ADAMTSL1: variants seen among roughly 807,000 people sequenced by gnomAD.
ADAMTSL1 encodes ADAMTS like 1.
Under a neutral mutation model 201.8 loss-of-function variants are expected in ADAMTSL1, and 126 were observed. The ratio of observed to expected loss-of-function variants is 0.62; its 90% CI spans 0.54 to 0.72. The LOEUF (loss-of-function observed/expected upper bound fraction) is 0.72. Among genes scored for constraint, ADAMTSL1 ranks in the 30% least tolerant of loss-of-function variants. The pLI is 0.00. For synonymous variants in ADAMTSL1, 1,121 were observed against 903.4 expected (o/e 1.24, Z -4.32); for missense variants, 2,679 against 2,277.8 (o/e 1.18, Z -3.59).
intron 7 of ADAMTSL1, among the ~76,000 whole-genome samples, chr9:18,657,319 A>G (rs1828751323): frequency 6.6e-6 from 1 of 152,218 alleles, no homozygotes; most frequent in Admixed American, 6.5e-5. Flanking sequence ...TATCTATTAT[A>G]CCAAAGAGGT....
rs550233749 is a variant in ADAMTSL1 at position 18,308,144 on chromosome 9, A to G, written c.207+144163A>G. ...GAAATACATAAGTTATTTGAAACTGATGAGAACAAAGACACAATGCACCAG... is the reference window on the plus strand; with the variant it reads ...GAAATACATAAGTTATTTGAAACTGGTGAGAACAAAGACACAATGCACCAG... On this transcript the variant is annotated intron_variant, in intron 2 of 29. Coordinates refer to the ADAMTSL1 transcript ENST00000680146. Among the ~76,000 whole-genome samples the G allele has an allele frequency of 8.0e-4, 122 of 152,270 alleles. 3 individuals carry two copies. In the Middle Eastern group the frequency reaches 0.01, roughly 13 times the overall value.
At chr9:18,266,639 A>G (rs1187196074) in intron 2 of ADAMTSL1, among the ~76,000 whole-genome samples, 1 of 152,088 alleles carries the variant, frequency 6.6e-6, no homozygotes, top group Non-Finnish European at 1.5e-5. Context: ...AAGTGTTTCT[A>G]AAGAGTCACC....
chr9:18,130,031 G>A (rs570124980), intron 1 of ADAMTSL1, among the ~76,000 whole-genome samples: 112 of 152,316 alleles, frequency 7.4e-4, no homozygotes, highest in African/African-American at 2.6e-3. Flanking sequence ...CTGAGCTCAA[G>A]TTGCAGGCAC....
chr9:18,855,713 G>A (rs978772278), intron 23 of ADAMTSL1, among the ~76,000 whole-genome samples: 6 of 152,096 alleles, frequency 3.9e-5, no homozygotes, highest in Non-Finnish European at 5.9e-5. Flanking sequence ...GGAATTCTTC[G>A]TTTCTCTGTT....
chr9:18,589,092 G>A (rs1341112262), intron 4 of ADAMTSL1, among the ~76,000 whole-genome samples: 1 of 151,656 alleles, frequency 6.6e-6, no homozygotes, highest in African/African-American at 2.4e-5. Flanking sequence ...GGCCAGGCTG[G>A]CCTCGAACTC....
chr9:18,431,705 C>T (rs1819498967), intron 2 of ADAMTSL1, among the ~76,000 whole-genome samples: 1 of 152,066 alleles, frequency 6.6e-6, no homozygotes, highest in South Asian at 2.1e-4. Flanking sequence ...GCCCCAAAGT[C>T]TTCTGTGTCT....
intron 1 of ADAMTSL1, among the ~76,000 whole-genome samples, chr9:18,015,217 T>C (rs535011029): frequency 1.3e-5 from 2 of 152,162 alleles, no homozygotes; most frequent in Non-Finnish European, 2.9e-5. Context: ...GTGTCTAGGC[T>C]CATGCTTGCT....
intron 2 of ADAMTSL1, among the ~76,000 whole-genome samples, chr9:18,310,369 CAAAAAAAAAAAAAA>C (rs570081965): frequency 2.8e-4 from 10 of 35,276 alleles, no homozygotes; most frequent in South Asian, 1.8e-3. Flanking sequence ...TTCTGCATAG[CAAAAAAAAAAAAAA>C]AAAAAAAAAA....
intron 1 of ADAMTSL1, among the ~76,000 whole-genome samples, chr9:17,965,883 A>T (rs781521805): frequency 5.1e-4 from 78 of 152,292 alleles, no homozygotes; most frequent in Non-Finnish European, 6.9e-4. Context: ...AAGTAAAGCC[A>T]GGCAGCTTTT....
intron 13 of ADAMTSL1, among the ~76,000 whole-genome samples, chr9:18,700,415 AG>A (rs1244614087): frequency 6.6e-6 from 1 of 152,172 alleles, no homozygotes; most frequent in Non-Finnish European, 1.5e-5. Flanking sequence ...AGAAATACAA[AG>A]AAGGTGTTTC....
chr9:18,523,248 A>T (rs1021502966), intron 2 of ADAMTSL1, among the ~76,000 whole-genome samples: 2 of 152,166 alleles, frequency 1.3e-5, no homozygotes, highest in Non-Finnish European at 2.9e-5. Context: ...TCTTTTGAGA[A>T]GTGTCTGTTC....
At chr9:17,917,258 A>T (rs555733875) in intron 1 of ADAMTSL1, among the ~76,000 whole-genome samples, 103 of 152,208 alleles carry the variant, frequency 6.8e-4, no homozygotes, top group Non-Finnish European at 1.2e-3. Flanking sequence ...TTCTTGTATT[A>T]TGACACTACC....
chr9:18,865,736 G>A (rs1373985127), intron 23 of ADAMTSL1, among the ~76,000 whole-genome samples: 1 of 152,122 alleles, frequency 6.6e-6, no homozygotes, highest in Non-Finnish European at 1.5e-5. Context: ...CAGTGGTTAA[G>A]AAGGGTTGAT....
chr9:18,800,555 G>A (rs1357375131), intron 20 of ADAMTSL1, among the ~76,000 whole-genome samples: 1 of 152,020 alleles, frequency 6.6e-6, no homozygotes, highest in Non-Finnish European at 1.5e-5. Context: ...TGTAGAGAAT[G>A]CCCACCAAAG....
intron 2 of ADAMTSL1, among the ~76,000 whole-genome samples, chr9:18,384,258 A>G (rs1475970246): frequency 6.6e-6 from 1 of 152,094 alleles, no homozygotes; most frequent in Admixed American, 6.6e-5. Context: ...AACAGGAGAG[A>G]CAGCGAGTGA....
At chr9:17,970,404 G>T (rs1346961949) in intron 1 of ADAMTSL1, among the ~76,000 whole-genome samples, 1 of 151,944 alleles carries the variant, frequency 6.6e-6, no homozygotes, top group Non-Finnish European at 1.5e-5. Context: ...AAAACCCTTG[G>T]ATGACTCACT....
chr9:18,892,621 T>C (rs184908418), intron 26 of ADAMTSL1, 25 bp downstream of exon 26: 4 of 1,548,770 alleles, frequency 2.6e-6, no homozygotes, highest in Non-Finnish European at 3.5e-6. Context: ...AGGTTGTTAT[T>C]TGAAAGCTAA....
intron 23 of ADAMTSL1, among the ~76,000 whole-genome samples, chr9:18,874,039 A>AT (rs1828004332): frequency 6.6e-6 from 1 of 151,270 alleles, no homozygotes; most frequent in South Asian, 2.1e-4. Context: ...AAGTATTTTA[A>AT]TTTTTTTTGC....
At chr9:17,961,367 G>A (rs996625266) in intron 1 of ADAMTSL1, among the ~76,000 whole-genome samples, 4 of 151,994 alleles carry the variant, frequency 2.6e-5, no homozygotes, top group Admixed American at 2.0e-4. Context: ...TCCTGCCTCC[G>A]CCTCCTGAGT....
Sources: gnomAD v4.1 joint callset for allele counts (sites outside exome capture counted in the v4.1 genomes callset) on GRCh38, gnomAD v4.1.1 for gene constraint, MANE v1.5 for transcripts, NCBI Gene and HGNC (gene_info 2026-07-23, HGNC 2026-07-21) for gene names.